ADAMTS6: variants seen among roughly 807,000 people sequenced by gnomAD.
The protein encoded by ADAMTS6 is A disintegrin and metalloproteinase with thrombospondin motifs 6.
In ADAMTS6, 23 loss-of-function variants were observed where a neutral mutation model predicts 144.3. The ratio of observed to expected loss-of-function variants is 0.16; its 90% confidence interval spans 0.11 to 0.23. The LOEUF is 0.23. Among genes scored for constraint, ADAMTS6 ranks in the 10% least tolerant of loss-of-function variants. The pLI is 1.00. For synonymous variants in ADAMTS6, 444 were observed against 457.5 expected (o/e 0.97, Z 0.38); for missense variants, 999 against 1,379.6 (o/e 0.72, Z 4.37).
At position 65,150,040 on chromosome 5, in the gene ADAMTS6, C is replaced by T. The variant is rs1752069207; in HGVS notation, c.*1796G>A. Reference sequence around the variant, plus strand: ...TCCATGCTGATTGTCCACAGCAAACCTGGGAGTTGTTTAGATTGGCTTTTG... The same window carrying T: ...TCCATGCTGATTGTCCACAGCAAACTTGGGAGTTGTTTAGATTGGCTTTTG... On this transcript the variant is annotated 3_prime_UTR_variant, in exon 25 of 25. Transcript: ENST00000381055. The T allele has an allele frequency of 6.6e-6, 1 of 152,226 alleles. No individual in the cohort carries two copies. The highest frequency in any genetic ancestry group is 1.5e-5 in the Non-Finnish European group (1 of 68,050). The allele number at this position is 152,226 out of a possible 1,614,324, so 9.4% of individuals were successfully genotyped here.
chr5:65,211,728 C>A (rs10940020), intron 20 of ADAMTS6, among the ~76,000 whole-genome samples: 1 of 152,124 alleles, frequency 6.6e-6, no homozygotes, highest in Non-Finnish European at 1.5e-5. Context: ...AAAGCTTTGC[C>A]CCACTCTATA....
intron 7 of ADAMTS6, among the ~76,000 whole-genome samples, chr5:65,406,075 A>G (rs1195340637): frequency 6.6e-6 from 1 of 152,202 alleles, no homozygotes; most frequent in Non-Finnish European, 1.5e-5. Flanking sequence ...CTAAATATAC[A>G]ATCATGTCAT....
At chr5:65,465,270 C>G (rs1759912292) in intron 3 of ADAMTS6, among the ~76,000 whole-genome samples, 1 of 152,124 alleles carries the variant, frequency 6.6e-6, no homozygotes, top group African/African-American at 2.4e-5. Context: ...GCAAAACCTC[C>G]TACAAATTCC....
At chr5:65,152,517 A>C (rs564297839) in intron 24 of ADAMTS6, among the ~76,000 whole-genome samples, 50 of 152,354 alleles carry the variant, frequency 3.3e-4, no homozygotes, top group African/African-American at 1.2e-3. Flanking sequence ...GTTGGCCTCA[A>C]ATGGCAGCAG....
intron 3 of ADAMTS6, among the ~76,000 whole-genome samples, chr5:65,465,112 T>C (rs1248665187): frequency 6.6e-6 from 1 of 152,234 alleles, no homozygotes; most frequent in Non-Finnish European, 1.5e-5. Flanking sequence ...TTAGATTCAT[T>C]AATAATTTTA....
chr5:65,458,908 A>G (rs1759431777), intron 4 of ADAMTS6, among the ~76,000 whole-genome samples: 1 of 152,200 alleles, frequency 6.6e-6, no homozygotes, highest in Non-Finnish European at 1.5e-5. Flanking sequence ...TTGATTGGGT[A>G]ACTAGTATGT....
Position 65,273,409 on chromosome 5 carries a change from G to A in ADAMTS6, c.1551C>T (p.Asn517=), listed in dbSNP as rs570501445. ...CTGGAATACTGTTGGTGACACAGCG[G>A]TTGCTTTTGCTGAGACACCAGAGCT... ...CRELWCLSKS[N]RCVTNSIPAA... is the part of the protein sequence containing the mutation. The change falls in exon 12 of 25, where the codon AAC becomes AAT. Residue 517 remains asparagine, a synonymous_variant. Coordinates refer to ENST00000381055, the MANE Select transcript of ADAMTS6 (RefSeq NM_197941.4). 1.9e-6 allele frequency: 3 copies of A among 1,613,876 alleles called. No individual in the cohort carries two copies. The highest frequency in any genetic ancestry group is 8.5e-7 in the Non-Finnish European group (1 of 1,179,838).
At chr5:65,452,312 T>A in intron 5 of ADAMTS6, 96 bp from the exon 6 acceptor site, 1 of 1,073,660 alleles carries the variant, frequency 9.3e-7, no homozygotes, top group Non-Finnish European at 1.4e-6. Context: ...TTTATAAATT[T>A]AGCCATTGTA....
chr5:65,339,926 A>T (rs1181915069), intron 7 of ADAMTS6, among the ~76,000 whole-genome samples: 1 of 152,090 alleles, frequency 6.6e-6, no homozygotes, highest in Admixed American at 6.5e-5. Flanking sequence ...AGAAGGAAAA[A>T]AGTGAGGAAA....
chr5:65,393,387 T>C (rs1431968081), intron 7 of ADAMTS6, among the ~76,000 whole-genome samples: 1 of 152,232 alleles, frequency 6.6e-6, no homozygotes, highest in African/African-American at 2.4e-5. Flanking sequence ...TTTGTATCCA[T>C]ACTTGTTATG....
intron 7 of ADAMTS6, among the ~76,000 whole-genome samples, chr5:65,339,163 C>G (rs1747587796): frequency 6.6e-6 from 1 of 152,176 alleles, no homozygotes; most frequent in Non-Finnish European, 1.5e-5. Flanking sequence ...AATAGCCCAG[C>G]AAGCCCACCC....
chr5:65,170,543 G>A, intron 24 of ADAMTS6, 74 bp downstream of exon 24: 1 of 1,536,964 alleles, frequency 6.5e-7, no homozygotes. Context: ...TGGGTTTACT[G>A]TGCTCTTCAG....
rs530861336 is a variant in ADAMTS6 at position 65,267,193 on chromosome 5, TAC to T, written c.1621-4233_1621-4232del. Reference sequence around the variant, plus strand: ...TTTACAGAGAGATAGAATTTTACTTTACGTTTTAAACTAGAAAAGTTAAATAT... The same window carrying T: ...TTTACAGAGAGATAGAATTTTACTTTGTTTTAAACTAGAAAAGTTAAATAT... On this transcript the variant is annotated intron_variant, in intron 12 of 24. Coordinates refer to ENST00000381055, the MANE Select transcript of ADAMTS6 (RefSeq NM_197941.4). Among the ~76,000 whole-genome samples, 389 of 152,230 alleles carry T rather than the reference TAC, an allele frequency of 2.6e-3. 1 individual carries two copies. The highest frequency in any genetic ancestry group is 4.6e-3 in the Non-Finnish European group (313 of 67,924).
intron 7 of ADAMTS6, among the ~76,000 whole-genome samples, chr5:65,393,229 T>C (rs1372352909): frequency 6.6e-6 from 1 of 152,188 alleles, no homozygotes; most frequent in African/African-American, 2.4e-5. Flanking sequence ...GTTGGCCAGT[T>C]GAACAATTGC....
At chr5:65,473,179 G>C (rs1760596833) in intron 2 of ADAMTS6, among the ~76,000 whole-genome samples, 1 of 151,920 alleles carries the variant, frequency 6.6e-6, no homozygotes, top group Non-Finnish European at 1.5e-5. Flanking sequence ...TTTCACAAAG[G>C]GTCCATATTA....
chr5:65,341,096 C>A (rs565057413), intron 7 of ADAMTS6, among the ~76,000 whole-genome samples: 1 of 151,858 alleles, frequency 6.6e-6, no homozygotes, highest in Non-Finnish European at 1.5e-5. Flanking sequence ...AAACAACATG[C>A]TCCTGAATAA....
intron 7 of ADAMTS6, among the ~76,000 whole-genome samples, chr5:65,391,198 G>A (rs76099896): frequency 0.011 from 1,631 of 152,128 alleles, 37 homozygotes; most frequent in African/African-American, 0.037. Flanking sequence ...AGGATTACAG[G>A]TATGAACCAC....
At position 65,151,812 on chromosome 5, in the gene ADAMTS6, G is replaced by A; in HGVS notation, c.*24C>T. ...TGCATTTCCATGATGAAATGACAAG[G>A]CACTCTCTCTGGCTTTCTGTGGGTC... On this transcript the variant is annotated 3_prime_UTR_variant, in exon 25 of 25. Transcript: ENST00000381055. 6.3e-7 allele frequency: 1 copy of A among 1,584,174 alleles called. No homozygotes were observed. Among genetic ancestry groups the A allele is most frequent in the South Asian group, 1.1e-5 (1 of 89,906 alleles).
intron 7 of ADAMTS6, among the ~76,000 whole-genome samples, chr5:65,364,891 A>G (rs576502824): frequency 1.3e-5 from 2 of 149,956 alleles, no homozygotes; most frequent in Admixed American, 1.3e-4. Flanking sequence ...CTTACAGGCT[A>G]CTTATTATAG....
Sources: gnomAD v4.1 joint callset for allele counts (sites outside exome capture counted in the v4.1 genomes callset) on GRCh38, gnomAD v4.1.1 for gene constraint, MANE v1.5 for transcripts, NCBI Gene and HGNC (gene_info 2026-07-23, HGNC 2026-07-21) for gene names.